The following NCOA1 variants were observed in gnomAD, a reference collection of about 807,000 sequenced individuals.
NCOA1 encodes Hin-2 protein.
Under a neutral mutation model 150.9 loss-of-function variants are expected in NCOA1, and 35 were observed. The observed-to-expected ratio is 0.23, with a 90% CI of 0.18 to 0.31. The LOEUF (loss-of-function observed/expected upper bound fraction) is 0.31, where lower values mean the gene tolerates loss of function less well. Ranked by LOEUF, NCOA1 falls within the 10% of genes least tolerant of loss-of-function variation. The pLI is 1.00. For synonymous variants in NCOA1, 590 were observed against 630.0 expected (o/e 0.94, Z 0.95); for missense variants, 1,491 against 1,749.3 (o/e 0.85, Z 2.63).
chr2:24,682,801 GTC>G, intron 7 of NCOA1, 148 bp from the exon 8 acceptor site: 3 of 478,860 alleles, frequency 6.3e-6, no homozygotes, highest in East Asian at 3.9e-5. Context: ...TTATGTTTAT[GTC>G]TCTCTCTCCT....
intron 1 of NCOA1, among the ~76,000 whole-genome samples, chr2:24,509,932 T>C (rs1240403866): frequency 6.6e-6 from 1 of 152,376 alleles, no homozygotes; most frequent in Non-Finnish European, 1.5e-5. Flanking sequence ...CTGAACTATT[T>C]TATAATGAAT....
chr2:24,763,150 AC>A (rs1301911692), intron 22 of NCOA1, among the ~76,000 whole-genome samples: 4 of 152,340 alleles, frequency 2.6e-5, no homozygotes, highest in Admixed American at 1.3e-4. Flanking sequence ...AGTAATTCAG[AC>A]AAAACAGAGT....
chr2:24,747,085 T>C (rs1327600996), intron 19 of NCOA1, among the ~76,000 whole-genome samples: 1 of 151,906 alleles, frequency 6.6e-6, no homozygotes, highest in African/African-American at 2.4e-5. Flanking sequence ...AGACCAACAC[T>C]AAAAACAACA....
At position 24,768,376 on chromosome 2, in the gene NCOA1, G is replaced by T. The variant is rs773542053; in HGVS notation, c.4311G>T (p.Gln1437His). 1.9e-6 allele frequency: 3 copies of T among 1,609,238 alleles called. No homozygotes were observed. In the African/African-American group the frequency reaches 4.0e-5, roughly 22 times the overall value. ...CCCAGCAGAAGAGCCTCCTTCAGCA[G>T]CTACTGACTGAATAACCACTTTTAA... ...PQAQQKSLLQ[Q>H]LLTE is the part of the protein sequence containing the mutation. Residue 1437 changes from glutamine (Q) to histidine (H), a missense_variant, in exon 23 of 23, where the codon CAG (glutamine) becomes CAT (histidine). Coordinates refer to ENST00000348332, the MANE Select transcript of NCOA1 (RefSeq NM_003743.5).
At chr2:24,658,635 T>G in intron 4 of NCOA1, 26 bp from the exon 5 acceptor site, 1 of 1,556,932 alleles carries the variant, frequency 6.4e-7, no homozygotes. Context: ...AAGGGTAGAT[T>G]TCTTACTGTT....
chr2:24,625,738 T>A (rs1417408466), intron 3 of NCOA1, among the ~76,000 whole-genome samples: 1 of 111,182 alleles, frequency 9.0e-6, no homozygotes, highest in Non-Finnish European at 2.0e-5. Flanking sequence ...AATAATTCAG[T>A]GTTTTCTGTT....
chr2:24,501,073 A>G (rs371269510), intron 1 of NCOA1, among the ~76,000 whole-genome samples: 4 of 152,218 alleles, frequency 2.6e-5, no homozygotes, highest in African/African-American at 7.2e-5. Flanking sequence ...CAAAAAGGCA[A>G]TACCATCTGA....
Position 24,752,258 on chromosome 2 carries a change from T to C in NCOA1, c.3881+102T>C, listed in dbSNP as rs543181608. 7.9e-5 allele frequency: 106 copies of C among 1,345,788 alleles called. No individual in the cohort carries two copies. The African/African-American group carries it at 1.5e-3, about 19-fold the overall frequency. 83.4% of individuals were successfully genotyped at this position (1,345,788 alleles called of 1,614,324 possible). On this transcript the variant is annotated intron_variant, in intron 20 of 22. Coordinates refer to ENST00000348332, the MANE Select transcript of NCOA1 (RefSeq NM_003743.5). ...TGAACCTCAGGAACATTATGTAAAG[T>C]GAAAGAAGGCCGGACACAAAAGGCC...
At chr2:24,704,777 G>GGA (rs1673332178) in intron 11 of NCOA1, among the ~76,000 whole-genome samples, 1 of 134,732 alleles carries the variant, frequency 7.4e-6, no homozygotes, top group Non-Finnish European at 1.6e-5. Flanking sequence ...TGTCTCAAAA[G>GGA]AAAAAAAAAA....
rs57720230 is a variant in NCOA1 at position 24,725,714 on chromosome 2, C to CGTGTGT, written c.2600-843_2600-838dup. ...CTACCTAAAGTGGACCTAAAGTGTG[C>CGTGTGT]GTGTGTGTGTGTGTGTGTGTGTGTG... On this transcript the variant is annotated intron_variant, in intron 14 of 22. Transcript: ENST00000348332. Among the ~76,000 whole-genome samples the CGTGTGT allele has an allele frequency of 6.3e-3, 943 of 148,968 alleles. 14 individuals carry two copies. The highest frequency in any genetic ancestry group is 0.022 in the African/African-American group (876 of 39,796).
rs1043786845 is a variant in NCOA1, at chr2:24,758,321, A to G, written c.4065+165A>G. ...TTAAGATATACAATGAAAAATTTTGACAGACTTTTTTTTTTTTTTTTTTTT... is the reference window on the plus strand; with the variant it reads ...TTAAGATATACAATGAAAAATTTTGGCAGACTTTTTTTTTTTTTTTTTTTT... On this transcript the variant is annotated intron_variant, in intron 21 of 22. Coordinates refer to ENST00000348332, the MANE Select transcript of NCOA1 (RefSeq NM_003743.5). 6.1e-5 allele frequency among the ~76,000 whole-genome samples: 9 copies of G among 148,380 alleles called. No individual in the cohort carries two copies. In the East Asian group the frequency reaches 1.6e-3, roughly 26 times the overall value.
chr2:24,577,701 T>A (rs1667047688), intron 2 of NCOA1, among the ~76,000 whole-genome samples: 1 of 152,188 alleles, frequency 6.6e-6, no homozygotes, highest in South Asian at 2.1e-4. Flanking sequence ...ACTTGGGTGA[T>A]AGTACTTTGT....
At chr2:24,750,556 T>A (rs891638479) in intron 19 of NCOA1, among the ~76,000 whole-genome samples, 1 of 152,200 alleles carries the variant, frequency 6.6e-6, no homozygotes, top group African/African-American at 2.4e-5. Flanking sequence ...AACATTATGC[T>A]AAGTGAATGC....
chr2:24,730,871 C>CAAAAAAAAA (rs35975198), intron 17 of NCOA1, among the ~76,000 whole-genome samples: 202 of 61,418 alleles, frequency 3.3e-3, no homozygotes, highest in African/African-American at 4.2e-3. Flanking sequence ...ACTAAAAGTA[C>CAAAAAAAAA]AAAAAAAAAA....
At chr2:24,528,723 C>G (rs1664755700) in intron 1 of NCOA1, among the ~76,000 whole-genome samples, 1 of 152,126 alleles carries the variant, frequency 6.6e-6, no homozygotes, top group African/African-American at 2.4e-5. Context: ...ATGTATAAAA[C>G]TATTAACATA....
At position 24,729,778 on chromosome 2, in the gene NCOA1, G is replaced by A; in HGVS notation, c.3164G>A (p.Arg1055Gln). The change falls in exon 17 of 23, where the codon CGA becomes CAA. Residue 1055 changes from arginine (R) to glutamine (Q), a missense_variant. Arg to Gln is a conservative substitution (Grantham distance 43). Around this residue, in one of 8 missense-constraint regions of NCOA1, gnomAD observed 485 missense variants for 522.8 expected, o/e 0.93. Coordinates refer to ENST00000348332, the MANE Select transcript of NCOA1 (RefSeq NM_003743.5). ...CCTCCGGCTGCACCTAACCAGCTTC[G>A]ACTTCAACTACAGCAGCGATTACAG... The part of the protein sequence containing the change: ...NRPPAAPNQL[R>Q]LQLQQRLQGQ... The A allele has an allele frequency of 6.2e-7, 1 of 1,613,896 alleles. No homozygotes were observed. Among genetic ancestry groups the A allele is most frequent in the Admixed American group, 1.7e-5 (1 of 60,018 alleles).
chr2:24,653,639 A>G (rs1017917695), intron 4 of NCOA1, among the ~76,000 whole-genome samples: 3 of 152,204 alleles, frequency 2.0e-5, no homozygotes, highest in African/African-American at 7.2e-5. Flanking sequence ...CTTTGAGTTC[A>G]CAATCCCAAA....
intron 1 of NCOA1, among the ~76,000 whole-genome samples, chr2:24,503,152 G>C (rs1663537009): frequency 1.3e-5 from 2 of 152,168 alleles, no homozygotes; most frequent in African/African-American, 2.4e-5. Flanking sequence ...CGTGTTCCTG[G>C]AATACTCACA....
intron 1 of NCOA1, among the ~76,000 whole-genome samples, chr2:24,526,468 C>T (rs1664655985): frequency 7.3e-5 from 11 of 151,606 alleles, no homozygotes; most frequent in Admixed American, 7.2e-4. Flanking sequence ...ATTTGGGTTC[C>T]TCCGTTTATT....
Sources: allele counts gnomAD v4.1 joint callset (sites outside exome capture counted in the v4.1 genomes callset), GRCh38; gene constraint gnomAD v4.1.1; regional missense constraint gnomAD v4.1.1; transcripts MANE v1.5; gene names NCBI Gene and HGNC (gene_info 2026-07-23, HGNC 2026-07-21).